The following VPS9D1 variants were observed in gnomAD, a reference collection of about 807,000 sequenced individuals.
VPS9D1 encodes VPS9 domain containing 1.
Under a neutral mutation model 75.8 loss-of-function variants are expected in VPS9D1, and 78 were observed. That is an observed-to-expected ratio of 1.03 (90% confidence interval 0.86 to 1.24). VPS9D1 has a LOEUF of 1.24. Ranked by LOEUF, VPS9D1 falls within the 50% of genes most tolerant of loss-of-function variation. The pLI is 0.00. For missense variants in VPS9D1, 1,057 were observed against 847.7 expected (o/e 1.25, Z -3.07); for synonymous variants, 481 against 385.6 (o/e 1.25, Z -2.90).
Position 89,713,340 on chromosome 16 carries a change from C to T in VPS9D1, c.432-624G>A, listed in dbSNP as rs553050938. ...CGCAATCTCGGCTCACTGCAAACTC[C>T]GCCTCCCGGGTTCATGCCATTCTCC... is the stretch of plus-strand genomic sequence containing the variant. On this transcript the variant is annotated intron_variant, in intron 4 of 14. Transcript: ENST00000389386. Among the ~76,000 whole-genome samples the T allele has an allele frequency of 1.4e-4, 22 of 151,834 alleles. 1 individual carries two copies. In the South Asian group the frequency reaches 4.0e-3, roughly 27 times the overall value.
intron 14 of VPS9D1, among the ~76,000 whole-genome samples, chr16:89,708,221 G>C (rs368406280): frequency 6.6e-6 from 1 of 152,232 alleles, no homozygotes; most frequent in African/African-American, 2.4e-5. Context: ...CTGCTGTCTG[G>C]GAGAGGCTGA....
chr16:89,712,614 C>G lies in VPS9D1; in HGVS notation c.534G>C (p.Lys178Asn). ...CCTAGCCCCCACTCACCAGGGATGT[C>G]TTCTGCATGGCCTGGCTGGGGTCTA... ...ARLDPSQAMQ[K>N]TSLTLSLQRQ... is the part of the protein sequence containing the mutation. Residue 178 changes from lysine (K) to asparagine (N), a missense_variant, in exon 5 of 15, where the codon AAG (lysine) becomes AAC (asparagine). By Grantham distance (94) the Lys-to-Asn change is moderately conservative. Transcript: ENST00000389386. 1.9e-6 allele frequency: 3 copies of G among 1,609,760 alleles called. No individual in the cohort carries two copies. The highest frequency in any genetic ancestry group is 2.5e-6 in the Non-Finnish European group (3 of 1,178,120).
chr16:89,708,972 G>A lies in VPS9D1; in HGVS notation c.1598-16C>T, dbSNP rs2151619211. On this transcript the variant is annotated splice_polypyrimidine_tract_variant and intron_variant, in intron 12 of 14. Transcript: ENST00000389386. The stretch of plus-strand genomic sequence containing the variant: ...AGGGTCCGCACTGCGCCCCAGACAG[G>A]GTTTCAGGGGCAGTTAACCCCGTCC... The A allele has an allele frequency of 6.3e-7, 1 of 1,581,922 alleles. No homozygotes were observed. Among genetic ancestry groups the A allele is most frequent in the East Asian group, 2.3e-5 (1 of 43,058 alleles).
rs532788332 is a variant in VPS9D1, at chr16:89,707,665, C to G, written c.*196G>C. 360 of 574,326 alleles carry G rather than the reference C, an allele frequency of 6.3e-4. 1 individual carries two copies. The highest frequency in any genetic ancestry group is 6.2e-3 in the African/African-American group (333 of 53,378). 35.6% of individuals were successfully genotyped at this position (574,326 alleles called of 1,614,324 possible). A position where few individuals can be genotyped will look rare whatever the true frequency, so the allele number is the denominator to read the frequency against. On this transcript the variant is annotated 3_prime_UTR_variant, in exon 15 of 15. Transcript: ENST00000389386. ...ATTCTGTCGGGGCAGAGGTGCCAAC[C>G]CCAAGCTCCAGGGTCAGATGTGAGG...
intron 11 of VPS9D1, 113 bp downstream of exon 11, chr16:89,709,664 C>T (rs950693875): frequency 7.8e-6 from 12 of 1,535,134 alleles, no homozygotes; most frequent in Admixed American, 7.2e-5. Flanking sequence ...GGAGCAAACA[C>T]GAGTCTTGGG....
rs867566528 is a variant in VPS9D1 at position 89,711,491 on chromosome 16, C to T, written c.748-79G>A. The T allele has an allele frequency of 2.2e-5, 30 of 1,368,020 alleles. No homozygotes were observed. In the Middle Eastern group the frequency reaches 1.3e-3, roughly 59 times the overall value. The allele number at this position is 1,368,020 out of a possible 1,614,324, so 84.7% of individuals were successfully genotyped here. The stretch of plus-strand genomic sequence containing the variant: ...GCGCCTCATCTCCCACCAGTGCCGA[C>T]CCCTAGAGACTGTGGGAGCCCGTCC... On this transcript the variant is annotated intron_variant, in intron 8 of 14. Transcript: ENST00000389386.
At position 89,708,985 on chromosome 16, in the gene VPS9D1, G is replaced by A. The variant is rs1180712552; in HGVS notation, c.1598-29C>T. The A allele has an allele frequency of 5.1e-6, 8 of 1,563,258 alleles. No individual in the cohort carries two copies. In the Admixed American group the frequency reaches 7.5e-5, roughly 15 times the overall value. On this transcript the variant is annotated intron_variant, in intron 12 of 14. Transcript: ENST00000389386. ...CGCCCCAGACAGGGTTTCAGGGGCA[G>A]TTAACCCCGTCCAGCAGCCTGAGCC...
In VPS9D1 at chr16:89,710,920, C is replaced by T; in HGVS notation, c.924G>A (p.Ala308=). Residue 308 remains alanine, a synonymous_variant, in exon 10 of 15, where the codon GCG becomes GCA. Coordinates refer to ENST00000389386, the MANE Select transcript of VPS9D1 (RefSeq NM_004913.3). ...ALYPAVSRAA[A]PAPGCCPPTP... ...TCGGGGGGCAGCAGCCTGGGGCTGG[C>T]GCGGCTGCTCTGCTCACGGCGGGAT... 6.7e-7 allele frequency: 1 copy of T among 1,486,836 alleles called. No individual in the cohort carries two copies. Among genetic ancestry groups the T allele is most frequent in the South Asian group, 1.3e-5 (1 of 75,912 alleles). The allele number at this position is 1,486,836 out of a possible 1,614,324, so 92.1% of individuals were successfully genotyped here. A position where few individuals can be genotyped will look rare whatever the true frequency, so the allele number is the denominator to read the frequency against.
chr16:89,713,918 AAAAAATCACTG>A (rs1231065615), intron 4 of VPS9D1, among the ~76,000 whole-genome samples: 1 of 152,084 alleles, frequency 6.6e-6, no homozygotes, highest in East Asian at 1.9e-4. Flanking sequence ...ACTCTGTCTC[AAAAAATCACTG>A]AGGTTTTTTT....
chr16:89,717,533 T>A (rs750303390), intron 2 of VPS9D1: 15 of 456,112 alleles, frequency 3.3e-5, no homozygotes, highest in Non-Finnish European at 5.3e-5. Context: ...GACTCGCCCC[T>A]GGACCCACCG....
chr16:89,712,290 ACGGCGGC>A, intron 6 of VPS9D1, 163 bp downstream of exon 6: 1 of 1,318,476 alleles, frequency 7.6e-7, no homozygotes, highest in Non-Finnish European at 1.0e-6. Context: ...AACATGGGGG[ACGGCGGC>A]CGGGCCTTCC....
intron 2 of VPS9D1, chr16:89,717,747 C>T (rs895260934): frequency 1.5e-5 from 7 of 456,574 alleles, no homozygotes; most frequent in African/African-American, 1.0e-4. Context: ...GCCACTCCTC[C>T]ACCCAACTCC....
intron 2 of VPS9D1, chr16:89,717,201 TCC>T: frequency 4.8e-6 from 1 of 207,302 alleles, no homozygotes; most frequent in South Asian, 4.5e-5. Flanking sequence ...CCCAGGCAAG[TCC>T]CCCCACCCAC....
In VPS9D1 at chr16:89,707,858, G is replaced by A. The variant is rs1353144033; in HGVS notation, c.*3C>T. On this transcript the variant is annotated 3_prime_UTR_variant, in exon 15 of 15. Coordinates refer to ENST00000389386, the MANE Select transcript of VPS9D1 (RefSeq NM_004913.3). ...CCTGCAGGGACCCTGGGCTCTAGCT[G>A]TACTACTTGGCCAGGCCTCCCCGGG... 2.5e-6 allele frequency: 4 copies of A among 1,612,956 alleles called. No individual in the cohort carries two copies. The highest frequency in any genetic ancestry group is 1.3e-5 in the African/African-American group (1 of 75,050).
chr16:89,720,765 G>C lies in VPS9D1; in HGVS notation c.97C>G (p.Arg33Gly). 2 of 1,448,722 alleles carry C rather than the reference G, an allele frequency of 1.4e-6. No individual in the cohort carries two copies. Among genetic ancestry groups the C allele is most frequent in the Non-Finnish European group, 1.8e-6 (2 of 1,097,124 alleles). The allele number at this position is 1,448,722 out of a possible 1,614,324, so 89.7% of individuals were successfully genotyped here. Residue 33 changes from arginine to glycine, a missense_variant and splice_region_variant, in exon 1 of 15, where the codon CGG becomes GGG. Physicochemically the swap from Arg to Gly is moderately radical, Grantham distance 125. Transcript: ENST00000389386. ...AIELDTGNRP[R>G]EAYTEYLRSI... ...GCCCCGCCCCCGCCCCGCCTCACCC[G>C]GGGCCGGTTGCCGGTGTCCAGCTCG...
chr16:89,713,852 CA>C (rs886462168), intron 4 of VPS9D1, among the ~76,000 whole-genome samples: 2 of 151,666 alleles, frequency 1.3e-5, no homozygotes, highest in South Asian at 4.2e-4. Context: ...ATTAAAAATA[CA>C]AAAAATTAGC....
intron 4 of VPS9D1, chr16:89,712,955 C>T (rs193247693): frequency 4.6e-5 from 17 of 368,196 alleles, no homozygotes; most frequent in East Asian, 3.0e-4. Flanking sequence ...AGGCTAAGGC[C>T]GGGCGGATCA....
Position 89,710,683 on chromosome 16 carries a change from C to T in VPS9D1, c.1161G>A (p.Leu387=). ...CCCGGCCCTGCCGCTCAGACGTCCC[C>T]AGGAACTGCTCCAGGTCCTCGAACG... is the stretch of plus-strand genomic sequence containing the variant. ...DSSFEDLEQF[L]GTSERQGRGR... is the part of the protein sequence containing the mutation. The change falls in exon 10 of 15, where the codon CTG becomes CTA. Residue 387 remains leucine (L), a synonymous_variant. Coordinates refer to ENST00000389386, the MANE Select transcript of VPS9D1 (RefSeq NM_004913.3). 6.2e-7 allele frequency: 1 copy of T among 1,611,404 alleles called. No homozygotes were observed.
chr16:89,712,347 C>A, intron 6 of VPS9D1, 113 bp downstream of exon 6: 2 of 1,502,304 alleles, frequency 1.3e-6, no homozygotes, highest in Admixed American at 3.9e-5. Context: ...GCCCCTCGGC[C>A]CTGTACCCCG....
Sources: gnomAD v4.1 joint callset for allele counts (sites outside exome capture counted in the v4.1 genomes callset) on GRCh38, gnomAD v4.1.1 for gene constraint, MANE v1.5 for transcripts, NCBI Gene and HGNC (gene_info 2026-07-23, HGNC 2026-07-21) for gene names.